The following TAFA1 variants were observed in gnomAD, a reference collection of about 807,000 sequenced individuals.
TAFA1 encodes the protein chemokine-like protein TAFA-1.
TAFA1 carries 4 observed loss-of-function variants against 18.5 expected under a neutral mutation model. The ratio of observed to expected loss-of-function variants is 0.22; its 90% CI spans 0.11 to 0.49. The LOEUF (loss-of-function observed/expected upper bound fraction) is 0.49. TAFA1 is among the 20% of genes least tolerant of loss of function. The pLI, the probability that TAFA1 is intolerant of heterozygous loss-of-function variation, is 0.98. For missense variants in TAFA1, 147 were observed against 169.0 expected (o/e 0.87, Z 0.72); for synonymous variants, 56 against 55.2 (o/e 1.01, Z -0.06).
intron 2 of TAFA1, chr3:68,192,507 G>C (rs1258281864): frequency 5.3e-6 from 1 of 190,062 alleles, no homozygotes; most frequent in African/African-American, 2.4e-5. Flanking sequence ...CCCATTGAAT[G>C]GAATCTGAAT....
At chr3:68,438,593 T>A (rs925939327) in intron 3 of TAFA1, among the ~76,000 whole-genome samples, 2 of 152,050 alleles carry the variant, frequency 1.3e-5, no homozygotes, top group African/African-American at 4.8e-5. Flanking sequence ...TGGTGGGGAC[T>A]CCCTGGAGCA....
At chr3:68,004,950 G>C (rs1419238451) in intron 1 of TAFA1, among the ~76,000 whole-genome samples, 4 of 152,064 alleles carry the variant, frequency 2.6e-5, no homozygotes, top group South Asian at 2.1e-4. Context: ...TAATCCTTTT[G>C]AGTGGTAGGA....
intron 3 of TAFA1, among the ~76,000 whole-genome samples, chr3:68,521,812 A>T (rs9856419): frequency 6.8e-6 from 1 of 146,982 alleles, no homozygotes; most frequent in Non-Finnish European, 1.5e-5. Context: ...TTATGTTGTG[A>T]CAGAAACATA....
intron 2 of TAFA1, among the ~76,000 whole-genome samples, chr3:68,036,161 C>G (rs954082929): frequency 1.3e-5 from 2 of 152,114 alleles, no homozygotes; most frequent in Admixed American, 6.6e-5. Flanking sequence ...AATTTTACAG[C>G]CAGGCACGCT....
intron 2 of TAFA1, among the ~76,000 whole-genome samples, chr3:68,190,246 C>G (rs2066321501): frequency 6.6e-6 from 1 of 151,808 alleles, no homozygotes; most frequent in Non-Finnish European, 1.5e-5. Flanking sequence ...TGAATTAGGT[C>G]ACAGCTTATC....
chr3:68,037,240 A>G (rs1356282509), intron 2 of TAFA1, among the ~76,000 whole-genome samples: 1 of 152,182 alleles, frequency 6.6e-6, no homozygotes, highest in Non-Finnish European at 1.5e-5. Flanking sequence ...GTGTGTCTAG[A>G]GAAACTTGAG....
At chr3:68,526,479 G>C (rs980746604) in intron 3 of TAFA1, among the ~76,000 whole-genome samples, 17 of 152,100 alleles carry the variant, frequency 1.1e-4, no homozygotes, top group Non-Finnish European at 1.6e-4. Context: ...GGAATTTTCT[G>C]AGCATAATTT....
At chr3:68,112,291 C>T (rs1281492527) in intron 2 of TAFA1, among the ~76,000 whole-genome samples, 1 of 152,108 alleles carries the variant, frequency 6.6e-6, no homozygotes, top group Admixed American at 6.6e-5. Context: ...GAATCGAATT[C>T]AGCTATGCAT....
chr3:68,044,009 A>G (rs545106807), intron 2 of TAFA1, among the ~76,000 whole-genome samples: 1 of 152,324 alleles, frequency 6.6e-6, no homozygotes, highest in South Asian at 2.1e-4. Context: ...CCACTCAGAC[A>G]AAAAGGCTAG....
At chr3:68,192,779 CA>C (rs1234330588) in intron 2 of TAFA1, among the ~76,000 whole-genome samples, 1 of 151,580 alleles carries the variant, frequency 6.6e-6, no homozygotes, top group African/African-American at 2.4e-5. Context: ...AAGCATATAG[CA>C]AGGGGTGTTA....
intron 3 of TAFA1, among the ~76,000 whole-genome samples, chr3:68,469,978 T>C (rs1032400904): frequency 2.6e-5 from 4 of 152,214 alleles, no homozygotes; most frequent in Admixed American, 2.0e-4. Flanking sequence ...GTGGTGGTGA[T>C]ACAGTTTGGC....
chr3:68,466,907 G>A (rs1050784915), intron 3 of TAFA1, among the ~76,000 whole-genome samples: 11 of 152,144 alleles, frequency 7.2e-5, no homozygotes, highest in East Asian at 5.8e-4. Context: ...GGCAGGTTCC[G>A]TGATGCCCCA....
chr3:68,465,847 A>G (rs78229653), intron 3 of TAFA1, among the ~76,000 whole-genome samples: 32 of 152,240 alleles, frequency 2.1e-4, no homozygotes, highest in African/African-American at 7.5e-4. Flanking sequence ...TATGTATACA[A>G]CAAAAACTTG....
At chr3:67,993,133 A>AAGGATG in the TAFA1 span, among the ~76,000 whole-genome samples, 1 of 152,240 alleles carries the variant, frequency 6.6e-6, no homozygotes, top group East Asian at 1.9e-4. Context: ...GAAAGAACCT[A>AAGGATG]GTCCACAGGA....
chr3:68,388,263 A>G (rs1454095915), intron 2 of TAFA1, among the ~76,000 whole-genome samples: 1 of 152,194 alleles, frequency 6.6e-6, no homozygotes, highest in Non-Finnish European at 1.5e-5. Context: ...ATATGTTTAT[A>G]AAAAGGTAGT....
intron 2 of TAFA1, among the ~76,000 whole-genome samples, chr3:68,235,501 G>T (rs1419447482): frequency 6.6e-6 from 1 of 152,138 alleles, no homozygotes; most frequent in Non-Finnish European, 1.5e-5. Flanking sequence ...TGCATTCCAG[G>T]TTCATACTTC....
intron 3 of TAFA1, among the ~76,000 whole-genome samples, chr3:68,521,011 CA>C (rs2073012487): frequency 6.6e-6 from 1 of 152,086 alleles, no homozygotes; most frequent in African/African-American, 2.4e-5. Context: ...GCAGCTTTGA[CA>C]ATAAGAATTG....
intron 2 of TAFA1, among the ~76,000 whole-genome samples, chr3:68,277,387 C>CT (rs2067816956): frequency 6.6e-6 from 1 of 152,108 alleles, no homozygotes; most frequent in African/African-American, 2.4e-5. Flanking sequence ...TTCTGGCTTT[C>CT]TATTGTGCCA....
chr3:68,048,843 T>A (rs528553141), intron 2 of TAFA1, among the ~76,000 whole-genome samples: 23 of 152,308 alleles, frequency 1.5e-4, no homozygotes, highest in South Asian at 1.0e-3. Flanking sequence ...TACCACATTT[T>A]AAAAAATCTA....
Sources: gnomAD v4.1 joint callset for allele counts (sites outside exome capture counted in the v4.1 genomes callset) on GRCh38, gnomAD v4.1.1 for gene constraint, MANE v1.5 for transcripts, NCBI Gene and HGNC (gene_info 2026-07-23, HGNC 2026-07-21) for gene names.